NLRC3: variants seen among roughly 807,000 people sequenced by gnomAD.
The protein encoded by NLRC3 is NLR family CARD domain-containing protein 3.
In NLRC3, 87 loss-of-function variants were observed where a neutral mutation model predicts 91.6. That is an observed-to-expected ratio of 0.95 (90% CI 0.80 to 1.14). The LOEUF is 1.14. NLRC3 is among the 50% of genes most tolerant of loss of function. NLRC3 has a pLI of 0.00. For synonymous variants in NLRC3, 694 were observed against 625.3 expected (o/e 1.11, Z -1.64); for missense variants, 1,577 against 1,418.6 (o/e 1.11, Z -1.79).
chr16:3,573,978 C>T (rs1319412108), intron 1 of NLRC3, among the ~76,000 whole-genome samples: 3 of 148,186 alleles, frequency 2.0e-5, no homozygotes, highest in Non-Finnish European at 4.4e-5. Flanking sequence ...GTGAGGACCA[C>T]CATGCTTGGC....
At chr16:3,566,491 C>T (rs879502237) in intron 2 of NLRC3, among the ~76,000 whole-genome samples, 8 of 151,916 alleles carry the variant, frequency 5.3e-5, no homozygotes, top group Non-Finnish European at 1.0e-4. Context: ...TTTGGGAGGA[C>T]GAAGTGGGCA....
intron 6 of NLRC3, among the ~76,000 whole-genome samples, chr16:3,558,163 G>T (rs2039438122): frequency 6.6e-6 from 1 of 152,088 alleles, no homozygotes; most frequent in Admixed American, 6.6e-5. Flanking sequence ...GAAACATAGG[G>T]AGATCTTGTC....
At chr16:3,565,272 GGAT>G (rs1411266511) in intron 3 of NLRC3, 44 bp downstream of exon 3, 2 of 688,922 alleles carry the variant, frequency 2.9e-6, no homozygotes, top group Non-Finnish European at 5.3e-6. Context: ...GGGGCCCAGT[GGAT>G]GATAACTGGG....
At chr16:3,561,487 G>A (rs1254360111) in intron 6 of NLRC3, among the ~76,000 whole-genome samples, 1 of 152,156 alleles carries the variant, frequency 6.6e-6, no homozygotes, top group South Asian at 2.1e-4. Flanking sequence ...GTCTAGTCCC[G>A]CCAGGTCACC....
rs371500796 is a variant in NLRC3, at chr16:3,556,955, C to T, written c.2139G>A (p.Ala713=). The T allele has an allele frequency of 8.1e-6, 13 of 1,613,668 alleles. No individual in the cohort carries two copies. Among genetic ancestry groups the T allele is most frequent in the African/African-American group, 6.7e-5 (5 of 74,920 alleles). The change falls in exon 8 of 20, where the codon GCG becomes GCA. Residue 713 remains alanine (A), a synonymous_variant. Transcript: ENST00000359128. ...GNSIGPQGAK[A]LADALKINRT... ...GGTTGATCTTCAAAGCGTCTGCCAG[C>T]GCCTTGGCCCCTTGTGGTCCAATGG...
chr16:3,556,902 GAC>G lies in NLRC3; in HGVS notation c.2183+7_2183+8del. On this transcript the variant is annotated splice_region_variant and intron_variant, in intron 8 of 19. Coordinates refer to ENST00000359128, the MANE Select transcript of NLRC3 (RefSeq NM_178844.4). ...TGGGGTCACAACACAGGGAGCAGGT[GAC>G]ACACACCTCAGGGAGGTCAGGGTGC... is the stretch of plus-strand genomic sequence containing the variant. 1 of 1,603,460 alleles carries G rather than the reference GAC, an allele frequency of 6.2e-7. No homozygotes were observed. Among genetic ancestry groups the G allele is most frequent in the Non-Finnish European group, 8.5e-7 (1 of 1,171,132 alleles).
chr16:3,565,963 C>G (rs962663402), intron 2 of NLRC3, among the ~76,000 whole-genome samples: 4 of 151,612 alleles, frequency 2.6e-5, no homozygotes, highest in Non-Finnish European at 4.4e-5. Flanking sequence ...TCGCTTGAGC[C>G]CAGGAGGTCA....
At position 3,563,932 on chromosome 16, in the gene NLRC3, C is replaced by A; in HGVS notation, c.1005G>T (p.Thr335=). The change falls in exon 5 of 20, where the codon ACG becomes ACT. Residue 335 remains threonine, a synonymous_variant. Transcript: ENST00000359128. The part of the protein sequence containing the change: ...MCTVPAFCRL[T]GMALGHLWRS... The stretch of plus-strand genomic sequence containing the variant: ...GCCACAGGTGGCCTAGCGCCATCCC[C>A]GTGAGCCTGCAGAAGGCTGGGACGG... The A allele has an allele frequency of 6.3e-7, 1 of 1,592,926 alleles. No homozygotes were observed. The highest frequency in any genetic ancestry group is 8.5e-7 in the Non-Finnish European group (1 of 1,171,534).
In NLRC3 at chr16:3,543,424, C is replaced by A; in HGVS notation, c.2939+1G>T. 6.2e-7 allele frequency: 1 copy of A among 1,606,030 alleles called. No individual in the cohort carries two copies. Among genetic ancestry groups the A allele is most frequent in the Admixed American group, 1.7e-5 (1 of 59,576 alleles). Reference sequence around the variant, plus strand: ...CCATAGATGGAGACTGGAATACTTACTCGAGAATCTCCAAGGTTCTGTTCA... The same window carrying A: ...CCATAGATGGAGACTGGAATACTTAATCGAGAATCTCCAAGGTTCTGTTCA... On this transcript the variant is annotated splice_donor_variant, in intron 17 of 19. Coordinates refer to ENST00000359128, the MANE Select transcript of NLRC3 (RefSeq NM_178844.4). LOFTEE classifies it high-confidence loss of function.
rs575314302 is a variant in NLRC3, at chr16:3,540,490, G to A, written c.*1335C>T. On this transcript the variant is annotated 3_prime_UTR_variant, in exon 20 of 20. Transcript: ENST00000359128. ...CATGGAAGCTGTGGCCACAGCAGTG[G>A]CTTTGGAAGCCTAGTAAGGAATGAC... The A allele has an allele frequency of 2.0e-5, 3 of 152,314 alleles. No homozygotes were observed. In the South Asian group the frequency reaches 6.2e-4, roughly 32 times the overall value. 9.4% of individuals were successfully genotyped at this position (152,314 alleles called of 1,614,324 possible). A position where few individuals can be genotyped will look rare whatever the true frequency, so the allele number is the denominator to read the frequency against.
Position 3,544,293 on chromosome 16 carries a change from A to G in NLRC3, c.2808T>C (p.Cys936=). 6.2e-7 allele frequency: 1 copy of G among 1,613,534 alleles called. No homozygotes were observed. Among genetic ancestry groups the G allele is most frequent in the Non-Finnish European group, 8.5e-7 (1 of 1,179,560 alleles). The change falls in exon 16 of 20, where the codon TGT becomes TGC. Residue 936 remains cysteine, a synonymous_variant. Coordinates refer to ENST00000359128, the MANE Select transcript of NLRC3 (RefSeq NM_178844.4). ...TGACCTTCAGTGCACGGGCCACCGC[A>G]CACGCTCCGTCATCCCCGATGGCGT... ...QENAIGDDGA[C]AVARALKVNT...
chr16:3,570,559 A>C (rs2151106820), intron 1 of NLRC3, among the ~76,000 whole-genome samples: 1 of 152,300 alleles, frequency 6.6e-6, no homozygotes, highest in East Asian at 1.9e-4. Flanking sequence ...TGTGAGTGAC[A>C]AAGAAGCCTG....
Position 3,556,959 on chromosome 16 carries a change from T to G in NLRC3, c.2135A>C (p.Lys712Thr), listed in dbSNP as rs1402375608. The change falls in exon 8 of 20, where the codon AAG becomes ACG. Residue 712 changes from lysine to threonine, a missense_variant. Transcript: ENST00000359128. ...GATCTTCAAAGCGTCTGCCAGCGCCTTGGCCCCTTGTGGTCCAATGGAGTT... is the reference window on the plus strand; with the variant it reads ...GATCTTCAAAGCGTCTGCCAGCGCCGTGGCCCCTTGTGGTCCAATGGAGTT... ...RGNSIGPQGA[K>T]ALADALKINR... 3.7e-6 allele frequency: 6 copies of G among 1,613,648 alleles called. No individual in the cohort carries two copies. In the South Asian group the frequency reaches 6.6e-5, roughly 18 times the overall value.
Position 3,540,725 on chromosome 16 carries a change from C to A in NLRC3, c.*1100G>T, listed in dbSNP as rs35409672. On this transcript the variant is annotated 3_prime_UTR_variant, in exon 20 of 20. Transcript: ENST00000359128. The stretch of plus-strand genomic sequence containing the variant: ...GGCCGAGGCAGGAGAATCACTGGAA[C>A]CCATGAGGTAGAGCCTACAGTGAGC... 3,775 of 152,236 alleles carry A rather than the reference C, an allele frequency of 0.025. 76 individuals are homozygous for A. Among genetic ancestry groups the A allele is most frequent in the Non-Finnish European group, 0.038 (2,601 of 68,036 alleles). The allele number at this position is 152,236 out of a possible 1,614,324, so 9.4% of individuals were successfully genotyped here.
chr16:3,554,680 G>A (rs569561028), intron 8 of NLRC3, among the ~76,000 whole-genome samples: 2 of 152,308 alleles, frequency 1.3e-5, no homozygotes, highest in East Asian at 3.9e-4. Flanking sequence ...AATGCAAAAT[G>A]GTCCGCTGTC....
chr16:3,566,381 A>G lies in NLRC3; in HGVS notation c.-87+862T>C, dbSNP rs760930658. On this transcript the variant is annotated intron_variant, in intron 2 of 19. Coordinates refer to ENST00000359128, the MANE Select transcript of NLRC3 (RefSeq NM_178844.4). Reference sequence around the variant, plus strand: ...CGAGGCGGGCAGATCACTTGAGGTCAGGAATTTGAGACCAGCCTGGCCGAT... The same window carrying G: ...CGAGGCGGGCAGATCACTTGAGGTCGGGAATTTGAGACCAGCCTGGCCGAT... Among the ~76,000 whole-genome samples the G allele has an allele frequency of 4.6e-5, 7 of 152,226 alleles. No homozygotes were observed. The East Asian group carries it at 1.4e-3, about 29-fold the overall frequency.
rs910552648 is a variant in NLRC3, at chr16:3,563,285, T to G, written c.1652A>C (p.Gln551Pro). ...AYRTQVAELL[Q>P]GCLRPDAAVC... is the part of the protein sequence containing the mutation. ...TGCGGCATCGGGGCGCAGGCAGCCC[T>G]GCAGGAGCTCAGCCACCTGGGTCCG... The change falls in exon 5 of 20, where the codon CAG (glutamine) becomes CCG (proline). Residue 551 changes from glutamine to proline, a missense_variant. Gln to Pro is a moderately conservative substitution (Grantham distance 76, BLOSUM62 -1). Transcript: ENST00000359128. 6.2e-7 allele frequency: 1 copy of G among 1,604,070 alleles called. No homozygotes were observed. Among genetic ancestry groups the G allele is most frequent in the African/African-American group, 1.3e-5 (1 of 74,802 alleles).
intron 2 of NLRC3, among the ~76,000 whole-genome samples, chr16:3,566,101 C>CAAAAAAAAAAAAAAAAAA: frequency 4.7e-5 from 1 of 21,318 alleles, no homozygotes; most frequent in Non-Finnish European, 8.3e-5. Flanking sequence ...GAGCAAAAAG[C>CAAAAAAAAAAAAAAAAAA]AAAAAAAAAA....
chr16:3,554,142 C>G, intron 9 of NLRC3, 100 bp downstream of exon 9: 4 of 911,680 alleles, frequency 4.4e-6, no homozygotes, highest in Non-Finnish European at 5.4e-6. Context: ...GCCTCAGGTC[C>G]TAGCCCCATC....
Sources: gnomAD v4.1 joint callset for allele counts (sites outside exome capture counted in the v4.1 genomes callset) on GRCh38, gnomAD v4.1.1 for gene constraint, MANE v1.5 for transcripts, NCBI Gene and HGNC (gene_info 2026-07-23, HGNC 2026-07-21) for gene names.